The following IFT56 variants were observed in gnomAD, a reference collection of about 807,000 sequenced individuals.
The protein encoded by IFT56 is intraflagellar transport protein 56.
chr7:139,168,494 C>A, the IFT56 span: 2 of 815,668 alleles, frequency 2.5e-6, no homozygotes, highest in African/African-American at 3.4e-5. Flanking sequence ...AATAGGCTCT[C>A]CTGTAGCTCC....
chr7:139,189,439 G>A, the IFT56 span: 13 of 1,584,038 alleles, frequency 8.2e-6, no homozygotes, highest in African/African-American at 2.7e-5. Flanking sequence ...CTAAAATAGC[G>A]CCAGCGTCCT....
chr7:139,139,986 G>C, the IFT56 span: 1 of 1,608,730 alleles, frequency 6.2e-7, no homozygotes, highest in Non-Finnish European at 8.5e-7. Context: ...TAAACAAGCT[G>C]AAGCAGCTGG....
the IFT56 span, among the ~76,000 whole-genome samples, chr7:139,167,115 T>A: frequency 2.0e-5 from 3 of 152,208 alleles, no homozygotes; most frequent in Admixed American, 6.5e-5. Context: ...TTATATGTAG[T>A]CATTTTGTCA....
chr7:139,136,996 C>T, the IFT56 span, among the ~76,000 whole-genome samples: 1 of 152,138 alleles, frequency 6.6e-6, no homozygotes, highest in African/African-American at 2.4e-5. Flanking sequence ...GAGTTAGCTA[C>T]AGGAGTAAAT....
At chr7:139,172,546 A>G in the IFT56 span, 4 of 524,930 alleles carry the variant, frequency 7.6e-6, no homozygotes, top group Admixed American at 4.4e-5. Context: ...TGCTGCTGTA[A>G]TGCACCTCAC....
chr7:139,135,047 G>A, the IFT56 span, among the ~76,000 whole-genome samples: 1 of 152,116 alleles, frequency 6.6e-6, no homozygotes, highest in Non-Finnish European at 1.5e-5. Flanking sequence ...TCGGGAGGCC[G>A]AGACGGGCAG....
At chr7:139,187,924 A>C in the IFT56 span, among the ~76,000 whole-genome samples, 2 of 145,774 alleles carry the variant, frequency 1.4e-5, no homozygotes, top group Non-Finnish European at 3.0e-5. Context: ...TTTTTTGCCT[A>C]TTGGCTTTTT....
chr7:139,187,839 G>GA, the IFT56 span, among the ~76,000 whole-genome samples: 2 of 150,912 alleles, frequency 1.3e-5, no homozygotes, highest in Non-Finnish European at 3.0e-5. Context: ...GGTTCCAAAT[G>GA]AACAGCCATT....
At chr7:139,178,687 A>C in the IFT56 span, 5 of 1,217,068 alleles carry the variant, frequency 4.1e-6, no homozygotes, top group Admixed American at 5.5e-5. Context: ...TCAAGGGTTA[A>C]GGATTATTAA....
chr7:139,184,143 C>A, the IFT56 span, among the ~76,000 whole-genome samples: 1 of 152,198 alleles, frequency 6.6e-6, no homozygotes, highest in Non-Finnish European at 1.5e-5. Context: ...TCACCACGGC[C>A]CCACCTCCTA....
the IFT56 span, among the ~76,000 whole-genome samples, chr7:139,185,592 GT>G: frequency 6.6e-6 from 1 of 151,946 alleles, no homozygotes; most frequent in Non-Finnish European, 1.5e-5. Flanking sequence ...CAATTATATT[GT>G]TTAAAGATGT....
the IFT56 span, among the ~76,000 whole-genome samples, chr7:139,149,475 A>G: frequency 1.3e-5 from 2 of 151,612 alleles, no homozygotes; most frequent in Non-Finnish European, 2.9e-5. Flanking sequence ...TGGCCCTTTA[A>G]ATAGTGTTCC....
the IFT56 span, among the ~76,000 whole-genome samples, chr7:139,155,644 T>C: frequency 6.6e-6 from 1 of 152,170 alleles, no homozygotes; most frequent in Non-Finnish European, 1.5e-5. Context: ...TTGGTCATCG[T>C]GAATAATCTT....
the IFT56 span, among the ~76,000 whole-genome samples, chr7:139,144,633 T>C: frequency 6.6e-6 from 1 of 152,116 alleles, no homozygotes. Flanking sequence ...CTTTTGTTTG[T>C]ATCGCATGTA....
chr7:139,187,462 T>C, the IFT56 span: 1 of 1,614,184 alleles, frequency 6.2e-7, no homozygotes, highest in Non-Finnish European at 8.5e-7. Flanking sequence ...GGCTGGATCC[T>C]AACCCTGAAT....
the IFT56 span, among the ~76,000 whole-genome samples, chr7:139,154,147 CTATT>C: frequency 6.6e-6 from 1 of 152,058 alleles, no homozygotes; most frequent in Non-Finnish European, 1.5e-5. Context: ...GTAGAAATGT[CTATT>C]TAAGTTCTTT....
At chr7:139,173,990 T>A in the IFT56 span, 1 of 634,132 alleles carries the variant, frequency 1.6e-6, no homozygotes, top group African/African-American at 1.8e-5. Context: ...TTAATGAATT[T>A]TCATCATTTT....
the IFT56 span, chr7:139,187,487 C>T: frequency 1.5e-5 from 25 of 1,614,012 alleles, no homozygotes; most frequent in South Asian, 1.4e-4. Context: ...GGAAGGCAAA[C>T]GGGGTGCCTG....
the IFT56 span, among the ~76,000 whole-genome samples, chr7:139,166,465 A>C: frequency 6.6e-6 from 1 of 151,922 alleles, no homozygotes; most frequent in African/African-American, 2.4e-5. Flanking sequence ...TTTGTTCCTG[A>C]AATGTTTTAA....
Sources: gnomAD v4.1 joint callset for allele counts (sites outside exome capture counted in the v4.1 genomes callset) on GRCh38, gnomAD v4.1.1 for gene constraint, MANE v1.5 for transcripts, NCBI Gene and HGNC (gene_info 2026-07-23, HGNC 2026-07-21) for gene names.